Variants in CAVIN3 observed in about 807,000 individuals in gnomAD.
The protein encoded by CAVIN3 is caveolae-associated protein 3.
In CAVIN3, 11 loss-of-function variants were observed where a neutral mutation model predicts 8.2. That is an observed-to-expected ratio of 1.35 (90% confidence interval 0.85 to 2.23). The LOEUF is 2.23. Ranked by LOEUF, CAVIN3 falls within the 30% of genes most tolerant of loss-of-function variation. The pLI is 0.00. For missense variants in CAVIN3, 401 were observed against 359.5 expected (o/e 1.12, Z -0.93); for synonymous variants, 191 against 166.3 (o/e 1.15, Z -1.14).
At chr11:6,319,688 G>T (rs1846787843) in intron 1 of CAVIN3, 124 bp from the exon 2 acceptor site, 3 of 1,252,342 alleles carry the variant, frequency 2.4e-6, no homozygotes, top group African/African-American at 1.5e-5. Context: ...GGAAAGGCAG[G>T]CGTGGGAAGG....
Position 6,320,382 on chromosome 11 carries a change from A to T in CAVIN3, c.95T>A (p.Leu32Gln). The change falls in exon 1 of 2, where the codon CTG (leucine) becomes CAG (glutamine). Residue 32 changes from leucine (L) to glutamine (Q), a missense_variant. Leu to Gln is a moderately radical substitution (Grantham distance 113). Transcript: ENST00000303927. The stretch of plus-strand genomic sequence containing the variant: ...CCGCAGAGTCTCCAGCATGGAGGCC[A>T]GCTTCTCCAGCAGGGTCACCACCGT... ...AVTVVTLLEK[L>Q]ASMLETLRER... The T allele has an allele frequency of 2.5e-6, 4 of 1,585,852 alleles. No individual in the cohort carries two copies. The highest frequency in any genetic ancestry group is 3.4e-6 in the Non-Finnish European group (4 of 1,173,542).
In CAVIN3 at chr11:6,320,121, C is replaced by A; in HGVS notation, c.356G>T (p.Arg119Leu). The change falls in exon 1 of 2, where the codon CGC becomes CTC. Residue 119 changes from arginine (R) to leucine (L), a missense_variant. Coordinates refer to ENST00000303927, the MANE Select transcript of CAVIN3 (RefSeq NM_145040.3). ...LEANHGLLVA[R>L]GKLHVLLFKE... ...GAAGAGCAGAACGTGGAGCTTCCCG[C>A]GCGCCACCAGCAGCCCGTGGTTGGC... The A allele has an allele frequency of 6.3e-7, 1 of 1,590,396 alleles. No individual in the cohort carries two copies. Among genetic ancestry groups the A allele is most frequent in the South Asian group, 1.1e-5 (1 of 89,914 alleles).
Position 6,320,214 on chromosome 11 carries a change from A to C in CAVIN3, c.263T>G (p.Val88Gly). The part of the protein sequence containing the change: ...LAQLLAKAER[V>G]SSHANAAQER... ...TTGGGCGGCGTTGGCGTGCGAGCTC[A>C]CGCGCTCCGCCTTGGCCAGCAGCTG... The change falls in exon 1 of 2, where the codon GTG (valine) becomes GGG (glycine). Residue 88 changes from valine to glycine, a missense_variant. Coordinates refer to ENST00000303927, the MANE Select transcript of CAVIN3 (RefSeq NM_145040.3). The C allele has an allele frequency of 6.4e-7, 1 of 1,564,518 alleles. No individual in the cohort carries two copies. Among genetic ancestry groups the C allele is most frequent in the South Asian group, 1.1e-5 (1 of 87,252 alleles).
Position 6,320,298 on chromosome 11 carries a change from A to T in CAVIN3, c.179T>A (p.Ile60Asn). Reference sequence around the variant, plus strand: ...ACTCAGAGCGCCCAGGCCGCTCTGGATGCGGCGCACGGACCCTGCCAGGCC... The same window carrying T: ...ACTCAGAGCGCCCAGGCCGCTCTGGTTGCGGCGCACGGACCCTGCCAGGCC... ...QGGLAGSVRR[I>N]QSGLGALSRS... The change falls in exon 1 of 2, where the codon ATC (isoleucine) becomes AAC (asparagine). Residue 60 changes from isoleucine to asparagine, a missense_variant. Transcript: ENST00000303927. The T allele has an allele frequency of 6.4e-7, 1 of 1,566,130 alleles. No individual in the cohort carries two copies. Among genetic ancestry groups the T allele is most frequent in the African/African-American group, 1.4e-5 (1 of 74,042 alleles).
At chr11:6,319,827 G>A (rs926217768) in intron 1 of CAVIN3, 1 of 665,904 alleles carries the variant, frequency 1.5e-6, no homozygotes, top group African/African-American at 1.8e-5. Context: ...TTAGGGATTG[G>A]CTGGGACTCA....
intron 1 of CAVIN3, 161 bp downstream of exon 1, chr11:6,319,932 C>T: frequency 1.2e-6 from 1 of 849,428 alleles, no homozygotes; most frequent in South Asian, 1.8e-5. Flanking sequence ...GGGGCTGGGT[C>T]TTGGGAAGTG....
intron 1 of CAVIN3, 125 bp downstream of exon 1, chr11:6,319,968 C>T (rs1333781739): frequency 2.8e-6 from 3 of 1,083,434 alleles, no homozygotes; most frequent in South Asian, 3.3e-5. Flanking sequence ...GTCTGTTCCA[C>T]AGCAACAGAC....
In CAVIN3 at chr11:6,319,497, G is replaced by A. The variant is rs143698423; in HGVS notation, c.452C>T (p.Ser151Phe). 1.2e-6 allele frequency: 2 copies of A among 1,601,906 alleles called. No homozygotes were observed. The highest frequency in any genetic ancestry group is 1.7e-6 in the Non-Finnish European group (2 of 1,177,404). The change falls in exon 2 of 2, where the codon TCC becomes TTC. Residue 151 changes from serine (S) to phenylalanine (F), a missense_variant. By Grantham distance (155) the Ser-to-Phe change is radical. Coordinates refer to ENST00000303927, the MANE Select transcript of CAVIN3 (RefSeq NM_145040.3). ...APEPLGPADQSELGPEQLEAE... is the reference protein window; with the variant it reads ...APEPLGPADQFELGPEQLEAE... ...CTCCAGCTGCTCTGGGCCCAGCTCG[G>A]ACTGGTCCGCCGGGCCCAAGGGCTC...
At position 6,320,397 on chromosome 11, in the gene CAVIN3, G is replaced by A. The variant is rs1297672326; in HGVS notation, c.80C>T (p.Thr27Ile). 8 of 1,578,958 alleles carry A rather than the reference G, an allele frequency of 5.1e-6. No homozygotes were observed. The highest frequency in any genetic ancestry group is 1.7e-5 in the Admixed American group (1 of 57,752). Residue 27 changes from threonine to isoleucine, a missense_variant, in exon 1 of 2, where the codon ACC becomes ATC. Thr to Ile is a moderately conservative substitution (Grantham distance 89, BLOSUM62 -1). Transcript: ENST00000303927. ...CATGGAGGCCAGCTTCTCCAGCAGGGTCACCACCGTCACGGCGTGCACGGG... is the reference window on the plus strand; with the variant it reads ...CATGGAGGCCAGCTTCTCCAGCAGGATCACCACCGTCACGGCGTGCACGGG... The part of the protein sequence containing the change: ...GGPVHAVTVV[T>I]LLEKLASMLE...
chr11:6,319,535 G>A lies in CAVIN3; in HGVS notation c.414C>T (p.Phe138=), dbSNP rs368309502. 1 of 1,589,676 alleles carries A rather than the reference G, an allele frequency of 6.3e-7. No homozygotes were observed. The change falls in exon 2 of 2, where the codon TTC becomes TTT. Residue 138 remains phenylalanine (F), a synonymous_variant. Coordinates refer to ENST00000303927, the MANE Select transcript of CAVIN3 (RefSeq NM_145040.3). ...GGCCCAAGGGCTCTGGTGCCTTCTG[G>A]AAAGCGCTGGCTGGGACTTCACCCT... is the stretch of plus-strand genomic sequence containing the variant. ...KEEGEVPASA[F]QKAPEPLGPA...
At position 6,320,293 on chromosome 11, in the gene CAVIN3, T is replaced by G. The variant is rs377745802; in HGVS notation, c.184A>C (p.Ser62Arg). 2.2e-4 allele frequency: 345 copies of G among 1,566,504 alleles called. No homozygotes were observed. The highest frequency in any genetic ancestry group is 2.8e-4 in the Non-Finnish European group (328 of 1,163,782). Residue 62 changes from serine (S) to arginine (R), a missense_variant, in exon 1 of 2, where the codon AGC becomes CGC. Transcript: ENST00000303927. Reference sequence around the variant, plus strand: ...CTGCGACTCAGAGCGCCCAGGCCGCTCTGGATGCGGCGCACGGACCCTGCC... The same window carrying G: ...CTGCGACTCAGAGCGCCCAGGCCGCGCTGGATGCGGCGCACGGACCCTGCC... The part of the protein sequence containing the change: ...GLAGSVRRIQ[S>R]GLGALSRSHD...
chr11:6,320,276 CAG>C lies in CAVIN3; in HGVS notation c.199_200del (p.Leu67GlufsTer65). On this transcript the variant is annotated frameshift_variant, in exon 1 of 2. Coordinates refer to ENST00000303927, the MANE Select transcript of CAVIN3 (RefSeq NM_145040.3). LOFTEE classifies it high-confidence loss of function. The part of the protein sequence containing the change: ...VRRIQSGLGA[L>X]SRSHDTTSNT... ...TGCTGGTGGTGTCGTGGCTGCGACT[CAG>C]AGCGCCCAGGCCGCTCTGGATGCGG... 1 of 1,565,606 alleles carries C rather than the reference CAG, an allele frequency of 6.4e-7. No homozygotes were observed. Among genetic ancestry groups the C allele is most frequent in the Non-Finnish European group, 8.6e-7 (1 of 1,163,022 alleles).
Position 6,319,096 on chromosome 11 carries a change from G to A in CAVIN3, c.*67C>T. ...ATTCGCTCCTTATTAGGGCGTGAGT[G>A]CTACATTCTGAAAGGATTTATTTTG... On this transcript the variant is annotated 3_prime_UTR_variant, in exon 2 of 2. Coordinates refer to ENST00000303927, the MANE Select transcript of CAVIN3 (RefSeq NM_145040.3). 1 of 1,472,884 alleles carries A rather than the reference G, an allele frequency of 6.8e-7. No individual in the cohort carries two copies. The highest frequency in any genetic ancestry group is 1.4e-5 in the South Asian group (1 of 71,802). The allele number at this position is 1,472,884 out of a possible 1,614,324, so 91.2% of individuals were successfully genotyped here. A position where few individuals can be genotyped will look rare whatever the true frequency, so the allele number is the denominator to read the frequency against.
chr11:6,319,791 G>T, intron 1 of CAVIN3: 1 of 679,784 alleles, frequency 1.5e-6, no homozygotes, highest in South Asian at 1.7e-5. Context: ...CCGCAGTCAC[G>T]GAATGCCCTT....
intron 1 of CAVIN3, 104 bp from the exon 2 acceptor site, chr11:6,319,668 G>T: frequency 7.3e-7 from 1 of 1,371,402 alleles, no homozygotes; most frequent in Non-Finnish European, 1.0e-6. Flanking sequence ...TCCGCAGCCA[G>T]AGTCTGGGGG....
At position 6,319,576 on chromosome 11, in the gene CAVIN3, G is replaced by A. The variant is rs1397234664; in HGVS notation, c.385-12C>T. The A allele has an allele frequency of 6.4e-7, 1 of 1,560,652 alleles. No homozygotes were observed. The highest frequency in any genetic ancestry group is 8.6e-7 in the Non-Finnish European group (1 of 1,159,418). ...ACTTCACCCTCCTCCTGCATGTGACGGACACAGCACTGATCCTGGCAGCTC... is the reference window on the plus strand; with the variant it reads ...ACTTCACCCTCCTCCTGCATGTGACAGACACAGCACTGATCCTGGCAGCTC... On this transcript the variant is annotated splice_polypyrimidine_tract_variant and intron_variant, in intron 1 of 1. Coordinates refer to ENST00000303927, the MANE Select transcript of CAVIN3 (RefSeq NM_145040.3).
chr11:6,319,592 C>T (rs773803335), intron 1 of CAVIN3, 28 bp from the exon 2 acceptor site: 247 of 1,548,876 alleles, frequency 1.6e-4, no homozygotes, highest in Non-Finnish European at 2.1e-4. Context: ...AGCACTGATC[C>T]TGGCAGCTCC....
chr11:6,319,828 C>T lies in CAVIN3; in HGVS notation c.385-264G>A, dbSNP rs936289141. ...CAACCACCGTTATTTTAGGGATTGG[C>T]TGGGACTCAGACCAAATTCTGCGGA... On this transcript the variant is annotated intron_variant, in intron 1 of 1. Transcript: ENST00000303927. The T allele has an allele frequency of 1.4e-5, 9 of 666,614 alleles. No individual in the cohort carries two copies. The Admixed American group carries it at 2.2e-4, about 16-fold the overall frequency. 41.3% of individuals were successfully genotyped at this position (666,614 alleles called of 1,614,324 possible). A position where few individuals can be genotyped will look rare whatever the true frequency, so the allele number is the denominator to read the frequency against.
In CAVIN3 at chr11:6,319,087, G is replaced by A. The variant is rs1846762923; in HGVS notation, c.*76C>T. 1 of 1,439,668 alleles carries A rather than the reference G, an allele frequency of 6.9e-7. No individual in the cohort carries two copies. Among genetic ancestry groups the A allele is most frequent in the Non-Finnish European group, 9.3e-7 (1 of 1,075,710 alleles). 89.2% of individuals were successfully genotyped at this position (1,439,668 alleles called of 1,614,324 possible). A position where few individuals can be genotyped will look rare whatever the true frequency, so the allele number is the denominator to read the frequency against. On this transcript the variant is annotated 3_prime_UTR_variant, in exon 2 of 2. Coordinates refer to ENST00000303927, the MANE Select transcript of CAVIN3 (RefSeq NM_145040.3). The stretch of plus-strand genomic sequence containing the variant: ...GGATGTAGGATTCGCTCCTTATTAG[G>A]GCGTGAGTGCTACATTCTGAAAGGA...
Sources: gnomAD v4.1 joint callset for allele counts on GRCh38, gnomAD v4.1.1 for gene constraint, MANE v1.5 for transcripts, NCBI Gene and HGNC (gene_info 2026-07-23, HGNC 2026-07-21) for gene names.